VPS13A: variants seen among roughly 807,000 people sequenced by gnomAD.
The protein encoded by VPS13A is intermembrane lipid transfer protein VPS13A.
In VPS13A, 264 loss-of-function variants were observed where a neutral mutation model predicts 390.9. The ratio of observed to expected loss-of-function variants is 0.68; its 90% CI spans 0.61 to 0.75. The LOEUF is 0.75. Among genes scored for constraint, VPS13A ranks in the 30% least tolerant of loss-of-function variants. The pLI is 0.00. For synonymous variants in VPS13A, 1,231 were observed against 1,227.1 expected (o/e 1.00, Z -0.07); for missense variants, 3,409 against 3,733.9 (o/e 0.91, Z 2.27).
intron 46 of VPS13A, among the ~76,000 whole-genome samples, chr9:77,334,958 G>C (rs1830465174): frequency 6.6e-6 from 1 of 152,164 alleles, no homozygotes; most frequent in Non-Finnish European, 1.5e-5. Flanking sequence ...CACTGAAAAA[G>C]GACATGCAGA....
In VPS13A at chr9:77,396,704, GTTATAC is replaced by G. The variant is rs1220067850; in HGVS notation, c.9190-6527_9190-6522del. 2.6e-5 allele frequency among the ~76,000 whole-genome samples: 4 copies of G among 152,212 alleles called. No homozygotes were observed. The East Asian group carries it at 5.8e-4, about 22-fold the overall frequency. On this transcript the variant is annotated intron_variant, in intron 68 of 71. Coordinates refer to ENST00000360280, the MANE Select transcript of VPS13A (RefSeq NM_033305.3). Reference sequence around the variant, plus strand: ...AAATTCATCATAAAACTCTAAGGAAGTTATACTTATTAAGTTTTCTCTAAAGATAAG... The same window carrying G: ...AAATTCATCATAAAACTCTAAGGAAGTTATTAAGTTTTCTCTAAAGATAAG...
chr9:77,273,444 CCA>C (rs1406148663), intron 24 of VPS13A, 80 bp downstream of exon 24: 5 of 1,151,620 alleles, frequency 4.3e-6, no homozygotes, highest in Non-Finnish European at 6.2e-6. Context: ...TCTCAAAGGA[CCA>C]CACAGAGGAA....
chr9:77,188,109 C>A (rs901478577), intron 1 of VPS13A, among the ~76,000 whole-genome samples: 1 of 152,160 alleles, frequency 6.6e-6, no homozygotes, highest in Non-Finnish European at 1.5e-5. Context: ...TGCACTCCCC[C>A]TCTTGCTCCT....
At position 77,344,480 on chromosome 9, in the gene VPS13A, G is replaced by A. The variant is rs558599116; in HGVS notation, c.7155+199G>A. 1.7e-3 allele frequency among the ~76,000 whole-genome samples: 256 copies of A among 152,176 alleles called. 2 individuals are homozygous for A. Among genetic ancestry groups the A allele is most frequent in the African/African-American group, 5.9e-3 (246 of 41,520 alleles). On this transcript the variant is annotated intron_variant, in intron 51 of 71. Coordinates refer to ENST00000360280, the MANE Select transcript of VPS13A (RefSeq NM_033305.3). ...GTTAAATAAAAAGTTAGTTGGGGCC[G>A]GGTGCGGTGGCTCACGCCTGTAACA...
At chr9:77,243,961 A>G (rs956679113) in intron 19 of VPS13A, among the ~76,000 whole-genome samples, 1 of 152,186 alleles carries the variant, frequency 6.6e-6, no homozygotes, top group Non-Finnish European at 1.5e-5. Flanking sequence ...CAAGAGGCCA[A>G]GCGCCATGGC....
rs967463391 is a variant in VPS13A, at chr9:77,399,088, A to G, written c.9190-4148A>G. Among the ~76,000 whole-genome samples the G allele has an allele frequency of 2.1e-5, 3 of 142,990 alleles. No individual in the cohort carries two copies. In the East Asian group the frequency reaches 6.5e-4, roughly 31 times the overall value. The allele number at this position is 142,990 out of a possible 152,430, so 93.8% of individuals were successfully genotyped here. On this transcript the variant is annotated intron_variant, in intron 68 of 71. Transcript: ENST00000360280. ...TGCTAGATGACACATTAGTGGGTGC[A>G]GCGCACCAGCATGGCACATGTATAC...
intron 68 of VPS13A, among the ~76,000 whole-genome samples, chr9:77,390,459 C>T (rs1833854818): frequency 6.6e-6 from 1 of 151,748 alleles, no homozygotes; most frequent in Non-Finnish European, 1.5e-5. Context: ...CCAGTAGAGT[C>T]CAAAATAGAG....
chr9:77,247,776 T>C (rs1295051101), intron 20 of VPS13A, among the ~76,000 whole-genome samples: 1 of 152,180 alleles, frequency 6.6e-6, no homozygotes, highest in African/African-American at 2.4e-5. Flanking sequence ...TTCTCAGGCC[T>C]CAGCCTCCTG....
At chr9:77,291,183 G>C (rs1471649754) in intron 31 of VPS13A, among the ~76,000 whole-genome samples, 1 of 152,134 alleles carries the variant, frequency 6.6e-6, no homozygotes, top group Non-Finnish European at 1.5e-5. Context: ...TCTCATAGTA[G>C]GGTGAACCCT....
At chr9:77,340,744 A>G in intron 50 of VPS13A, 194 bp downstream of exon 50, 1 of 603,212 alleles carries the variant, frequency 1.7e-6, no homozygotes, top group Non-Finnish European at 2.8e-6. Flanking sequence ...TTAGGTAACT[A>G]GGAATGCCCA....
chr9:77,314,834 G>A (rs1318715341), intron 37 of VPS13A, among the ~76,000 whole-genome samples, 170 bp downstream of exon 37: 3 of 152,098 alleles, frequency 2.0e-5, no homozygotes. Flanking sequence ...TCCTGGTTCT[G>A]TTATGTACTA....
At chr9:77,356,265 A>G (rs1407208223) in intron 54 of VPS13A, among the ~76,000 whole-genome samples, 2 of 152,048 alleles carry the variant, frequency 1.3e-5, no homozygotes, top group Non-Finnish European at 2.9e-5. Context: ...CTCTCAGCTC[A>G]TTTAAGGTTG....
intron 19 of VPS13A, among the ~76,000 whole-genome samples, chr9:77,246,828 T>G (rs747154224): frequency 6.6e-5 from 10 of 152,166 alleles, no homozygotes; most frequent in Non-Finnish European, 4.4e-5. Flanking sequence ...GATTTGATAA[T>G]CCAGGATTTT....
Position 77,415,997 on chromosome 9 carries a change from G to A in VPS13A, c.9516G>A (p.Pro3172=), listed in dbSNP as rs370565019. The part of the protein sequence containing the change: ...TKLQEAREPS[P]SL ...TACAAGAAGCAAGAGAACCTTCTCCGAGCCTCTGACAGAGAACACTGCCTG... is the reference window on the plus strand; with the variant it reads ...TACAAGAAGCAAGAGAACCTTCTCCAAGCCTCTGACAGAGAACACTGCCTG... Residue 3172 remains proline, a synonymous_variant, in exon 72 of 72, where the codon CCG becomes CCA. Transcript: ENST00000360280. The A allele has an allele frequency of 1.4e-5, 22 of 1,613,358 alleles. No homozygotes were observed. Among genetic ancestry groups the A allele is most frequent in the Middle Eastern group, 1.7e-4 (1 of 6,056 alleles).
chr9:77,236,034 A>G (rs951608090), intron 17 of VPS13A, among the ~76,000 whole-genome samples: 2 of 152,152 alleles, frequency 1.3e-5, no homozygotes, highest in African/African-American at 4.8e-5. Flanking sequence ...ATTTTTCCCA[A>G]CGTAGACTAA....
chr9:77,302,183 C>T (rs1302084070), intron 33 of VPS13A, among the ~76,000 whole-genome samples: 1 of 151,812 alleles, frequency 6.6e-6, no homozygotes, highest in Non-Finnish European at 1.5e-5. Flanking sequence ...ATCTCGAACT[C>T]CTGACCTCAG....
In VPS13A at chr9:77,377,211, T is replaced by TTTTTTG. The variant is rs565110412; in HGVS notation, c.9078-4760_9078-4759insGTTTTT. Among the ~76,000 whole-genome samples, 102 of 111,906 alleles carry TTTTTTG rather than the reference T, an allele frequency of 9.1e-4. 1 individual carries two copies. Among genetic ancestry groups the TTTTTTG allele is most frequent in the South Asian group, 2.9e-3 (8 of 2,766 alleles). 73.4% of individuals were successfully genotyped at this position (111,906 alleles called of 152,430 possible). A position where few individuals can be genotyped will look rare whatever the true frequency, so the allele number is the denominator to read the frequency against. ...TAAGTATTTTTGATGCTGTTTTTTT[T>TTTTTTG]TTTTTTTTTTTTTTTTTTTGAGACG... On this transcript the variant is annotated intron_variant, in intron 67 of 71. Coordinates refer to ENST00000360280, the MANE Select transcript of VPS13A (RefSeq NM_033305.3).
chr9:77,357,503 AAG>A (rs1421382097), intron 55 of VPS13A, among the ~76,000 whole-genome samples, 187 bp from the exon 56 acceptor site: 2 of 151,846 alleles, frequency 1.3e-5, no homozygotes, highest in Non-Finnish European at 2.9e-5. Flanking sequence ...TTTATGTAAA[AAG>A]TAATGCAGTG....
At chr9:77,247,458 A>T in intron 20 of VPS13A, 63 bp downstream of exon 20, 2 of 1,497,280 alleles carry the variant, frequency 1.3e-6, no homozygotes, top group South Asian at 1.3e-5. Flanking sequence ...TTTTAAATGT[A>T]TTTTGTTTTT....
Sources: allele counts gnomAD v4.1 joint callset (sites outside exome capture counted in the v4.1 genomes callset), GRCh38; gene constraint gnomAD v4.1.1; transcripts MANE v1.5; gene names NCBI Gene and HGNC (gene_info 2026-07-23, HGNC 2026-07-21).